CLCC1: variants seen among roughly 807,000 people sequenced by gnomAD.
CLCC1 encodes chloride channel CLIC like 1.
CLCC1 carries 39 observed loss-of-function variants against 63.3 expected under a neutral mutation model. The ratio of observed to expected loss-of-function variants is 0.62; its 90% CI spans 0.48 to 0.81. The LOEUF is 0.81. CLCC1 is among the 30% of genes least tolerant of loss of function. CLCC1 has a pLI of 0.00. For synonymous variants in CLCC1, 217 were observed against 239.8 expected (o/e 0.90, Z 0.88); for missense variants, 549 against 669.4 (o/e 0.82, Z 1.98).
At chr1:108,950,135 C>A (rs1655005769) in intron 3 of CLCC1, among the ~76,000 whole-genome samples, 174 bp downstream of exon 3, 1 of 152,156 alleles carries the variant, frequency 6.6e-6, no homozygotes. Flanking sequence ...CATTCAAATT[C>A]AATACCAGGT....
At chr1:108,951,477 G>A (rs2101689499) in intron 2 of CLCC1, among the ~76,000 whole-genome samples, 1 of 152,340 alleles carries the variant, frequency 6.6e-6, no homozygotes, top group Middle Eastern at 3.4e-3. Flanking sequence ...AAAAAGGGAT[G>A]AAATACTGAC....
rs542806583 is a variant in CLCC1, at chr1:108,940,310, T to A, written c.797-168A>T. On this transcript the variant is annotated intron_variant, in intron 8 of 12. Transcript: ENST00000369969. ...GTAATGCTGATTTTTAAATTTTTCATCTTATGTCCAAAATCATGTTTTAAA... is the reference window on the plus strand; with the variant it reads ...GTAATGCTGATTTTTAAATTTTTCAACTTATGTCCAAAATCATGTTTTAAA... Among the ~76,000 whole-genome samples the A allele has an allele frequency of 4.6e-5, 7 of 152,358 alleles. No individual in the cohort carries two copies. In the South Asian group the frequency reaches 1.4e-3, roughly 32 times the overall value.
At position 108,948,462 on chromosome 1, in the gene CLCC1, G is replaced by A. The variant is rs573847518; in HGVS notation, c.232-744C>T. On this transcript the variant is annotated intron_variant, in intron 4 of 12. Coordinates refer to ENST00000369969, the MANE Select transcript of CLCC1 (RefSeq NM_001377458.1). ...TGATCATCAACTTGCATTTTTTAAC[G>A]GAGTGTGGACCATGAGTTGAGCGCT... Among the ~76,000 whole-genome samples the A allele has an allele frequency of 3.9e-5, 6 of 152,206 alleles. No homozygotes were observed. The South Asian group carries it at 6.2e-4, about 16-fold the overall frequency.
chr1:108,952,129 A>G lies in CLCC1; in HGVS notation c.-11-1681T>C, dbSNP rs539762618. 2.0e-5 allele frequency among the ~76,000 whole-genome samples: 3 copies of G among 151,620 alleles called. No individual in the cohort carries two copies. The East Asian group carries it at 5.9e-4, about 30-fold the overall frequency. ...TATATAGTATGTGATTTATAGCTCA[A>G]TAAAGTCAATTTAAAAACAGGTATT... On this transcript the variant is annotated intron_variant, in intron 2 of 12. Coordinates refer to ENST00000369969, the MANE Select transcript of CLCC1 (RefSeq NM_001377458.1).
rs1179202546 is a variant in CLCC1, at chr1:108,934,736, T to C, written c.1590A>G (p.Thr530=). The C allele has an allele frequency of 6.2e-7, 1 of 1,614,064 alleles. No homozygotes were observed. Among genetic ancestry groups the C allele is most frequent in the Non-Finnish European group, 8.5e-7 (1 of 1,180,040 alleles). Residue 530 remains threonine, a synonymous_variant, in exon 12 of 13, where the codon ACA becomes ACG. Coordinates refer to ENST00000369969, the MANE Select transcript of CLCC1 (RefSeq NM_001377458.1). ...EAAGSPDQGS[T]YSPARGVAGP... is the part of the protein sequence containing the mutation. ...CAGCCACACCTCTTGCGGGGCTGTATGTGCTGCCTTGGTCTGGGCTGCCTG... is the reference window on the plus strand; with the variant it reads ...CAGCCACACCTCTTGCGGGGCTGTACGTGCTGCCTTGGTCTGGGCTGCCTG...
At chr1:108,957,823 G>C (rs887137086) in intron 2 of CLCC1, among the ~76,000 whole-genome samples, 1 of 151,416 alleles carries the variant, frequency 6.6e-6, no homozygotes, top group Non-Finnish European at 1.5e-5. Flanking sequence ...GACTACATTT[G>C]AGAACGATCA....
chr1:108,934,402 C>T (rs1310797017), intron 12 of CLCC1: 3 of 420,548 alleles, frequency 7.1e-6, no homozygotes, highest in Middle Eastern at 6.4e-4. Context: ...ATCAGTGATG[C>T]CTGTCATCTG....
In CLCC1 at chr1:108,934,752, G is replaced by C; in HGVS notation, c.1574C>G (p.Pro525Arg). 6.2e-7 allele frequency: 1 copy of C among 1,614,166 alleles called. No individual in the cohort carries two copies. Among genetic ancestry groups the C allele is most frequent in the Non-Finnish European group, 8.5e-7 (1 of 1,180,044 alleles). Residue 525 changes from proline (P) to arginine (R), a missense_variant, in exon 12 of 13, where the codon CCA (proline) becomes CGA (arginine). By Grantham distance (103) the Pro-to-Arg change is moderately radical. Coordinates refer to ENST00000369969, the MANE Select transcript of CLCC1 (RefSeq NM_001377458.1). ...AQLKSEAAGS[P>R]DQGSTYSPAR... is the part of the protein sequence containing the mutation. ...GGGGCTGTATGTGCTGCCTTGGTCT[G>C]GGCTGCCTGCGGCTTCAGACTTGAG...
At chr1:108,943,349 G>T in intron 7 of CLCC1, 126 bp downstream of exon 7, 1 of 882,764 alleles carries the variant, frequency 1.1e-6, no homozygotes, top group Non-Finnish European at 1.8e-6. Flanking sequence ...TTCCTCTCCA[G>T]CGTGGGCCAC....
In CLCC1 at chr1:108,943,623, CAGAG is replaced by C. The variant is rs1305459678; in HGVS notation, c.562-12_562-9del. ...GAGCAGACAAAGAAGTACCTTAAAA[CAGAG>C]AGAAGCAGAAATCAGCCACCAAAAA... On this transcript the variant is annotated splice_polypyrimidine_tract_variant and intron_variant, in intron 6 of 12. Transcript: ENST00000369969. 6.2e-7 allele frequency: 1 copy of C among 1,609,440 alleles called. No homozygotes were observed. The highest frequency in any genetic ancestry group is 8.5e-7 in the Non-Finnish European group (1 of 1,178,118).
In CLCC1 at chr1:108,937,254, G is replaced by A. The variant is rs542155692; in HGVS notation, c.1206C>T (p.Gly402=). Residue 402 remains glycine (G), a synonymous_variant, in exon 11 of 13, where the codon GGC becomes GGT. Coordinates refer to ENST00000369969, the MANE Select transcript of CLCC1 (RefSeq NM_001377458.1). ...GAGDADFHYR[G]QMGPTEQGPY... ...GGCCTTGCTCAGTGGGGCCCATTTG[G>A]CCCCTATAATGGAAATCGGCATCAC... 6.2e-7 allele frequency: 1 copy of A among 1,614,094 alleles called. No individual in the cohort carries two copies. The highest frequency in any genetic ancestry group is 1.3e-5 in the African/African-American group (1 of 75,016).
rs977805318 is a variant in CLCC1, at chr1:108,940,461, G to A, written c.797-319C>T. On this transcript the variant is annotated intron_variant, in intron 8 of 12. Transcript: ENST00000369969. The stretch of plus-strand genomic sequence containing the variant: ...ATGAGTACAGGTAAAATGGGAAGTC[G>A]AAATAAGACTGGTGGATTGTATCAA... 7.2e-5 allele frequency among the ~76,000 whole-genome samples: 11 copies of A among 152,226 alleles called. No homozygotes were observed. The East Asian group carries it at 9.6e-4, about 13-fold the overall frequency.
At chr1:108,943,404 C>G in intron 7 of CLCC1, 71 bp downstream of exon 7, 1 of 1,508,554 alleles carries the variant, frequency 6.6e-7, no homozygotes, top group Non-Finnish European at 9.1e-7. Context: ...AGATTGCTCT[C>G]AATGGATTAG....
chr1:108,935,521 C>T (rs947830481), intron 11 of CLCC1, among the ~76,000 whole-genome samples: 2 of 152,282 alleles, frequency 1.3e-5, no homozygotes, highest in Non-Finnish European at 2.9e-5. Flanking sequence ...AATCCCATAA[C>T]TTTGGGAGGC....
At chr1:108,941,598 T>C in intron 7 of CLCC1, 100 bp from the exon 8 acceptor site, 1 of 668,426 alleles carries the variant, frequency 1.5e-6, no homozygotes, top group South Asian at 2.2e-5. Context: ...TTACCATTCA[T>C]CCAAACCAGA....
intron 10 of CLCC1, 140 bp from the exon 11 acceptor site, chr1:108,937,558 A>G: frequency 1.4e-6 from 1 of 718,712 alleles, no homozygotes; most frequent in Non-Finnish European, 2.1e-6. Flanking sequence ...TGTTAATTTG[A>G]CTTTTTTTCA....
chr1:108,949,972 A>C (rs1438849778), intron 3 of CLCC1, 51 bp from the exon 4 acceptor site: 1 of 1,140,220 alleles, frequency 8.8e-7, no homozygotes, highest in Non-Finnish European at 1.3e-6. Context: ...AGTTACAAAA[A>C]TAGCCTTTGG....
intron 2 of CLCC1, among the ~76,000 whole-genome samples, chr1:108,952,655 C>T (rs1312182766): frequency 6.6e-6 from 1 of 151,932 alleles, no homozygotes; most frequent in Non-Finnish European, 1.5e-5. Context: ...AAAAACTCAG[C>T]CAGGCATGGT....
chr1:108,932,907 A>G (rs1354851944), intron 12 of CLCC1: 4 of 152,224 alleles, frequency 2.6e-5, no homozygotes, highest in African/African-American at 9.6e-5. Flanking sequence ...ATTAACATGT[A>G]TAATTTTGAG....
Sources: allele counts gnomAD v4.1 joint callset (sites outside exome capture counted in the v4.1 genomes callset), GRCh38; gene constraint gnomAD v4.1.1; transcripts MANE v1.5; gene names NCBI Gene and HGNC (gene_info 2026-07-23, HGNC 2026-07-21).